PACRG: variants seen among roughly 807,000 people sequenced by gnomAD.
PACRG encodes the protein parkin coregulated gene protein.
Under a neutral mutation model 29.7 loss-of-function variants are expected in PACRG, and 29 were observed. The ratio of observed to expected loss-of-function variants is 0.98; its 90% CI spans 0.73 to 1.33. PACRG has a LOEUF of 1.33. PACRG is among the 40% of genes most tolerant of loss of function. PACRG has a pLI of 0.00. For missense variants in PACRG, 279 were observed against 316.2 expected, an observed-to-expected ratio of 0.88 and a Z score of 0.89; for synonymous variants, 116 against 118.7, an observed-to-expected ratio of 0.98 and a Z score of 0.15.
intron 2 of PACRG, among the ~76,000 whole-genome samples, chr6:162,854,967 G>C (rs1400330867): frequency 6.6e-6 from 1 of 152,244 alleles, no homozygotes; most frequent in Non-Finnish European, 1.5e-5. Context: ...TAGAGCAGCC[G>C]CTGCAGCAGC....
At chr6:163,300,136 C>T (rs192166022) in intron 4 of PACRG, among the ~76,000 whole-genome samples, 1 of 152,242 alleles carries the variant, frequency 6.6e-6, no homozygotes, top group Non-Finnish European at 1.5e-5. Flanking sequence ...AGGTCTCCAT[C>T]AACCTCTGGA....
intron 4 of PACRG, among the ~76,000 whole-genome samples, chr6:163,295,801 C>T (rs1435860369): frequency 1.3e-5 from 2 of 152,112 alleles, no homozygotes; most frequent in African/African-American, 2.4e-5. Flanking sequence ...GAGGAATATT[C>T]GAGAGTTTTT....
chr6:163,108,326 G>A (rs1462937362), intron 4 of PACRG, among the ~76,000 whole-genome samples: 1 of 151,010 alleles, frequency 6.6e-6, no homozygotes, highest in East Asian at 1.9e-4. Context: ...GTTTCCTGAG[G>A]CCTCCCCAGC....
chr6:162,987,077 G>A (rs961007446), intron 2 of PACRG, among the ~76,000 whole-genome samples: 2 of 151,940 alleles, frequency 1.3e-5, no homozygotes, highest in East Asian at 1.9e-4. Context: ...TGGCCTTTTG[G>A]TGGTGTTATA....
At chr6:163,138,386 C>T (rs1817021891) in intron 4 of PACRG, among the ~76,000 whole-genome samples, 1 of 152,178 alleles carries the variant, frequency 6.6e-6, no homozygotes, top group Non-Finnish European at 1.5e-5. Flanking sequence ...AACCCATCTT[C>T]TAGAATGGTA....
At chr6:163,063,959 A>T (rs1811311469) in intron 3 of PACRG, among the ~76,000 whole-genome samples, 2 of 152,150 alleles carry the variant, frequency 1.3e-5, no homozygotes, top group Admixed American at 6.5e-5. Flanking sequence ...TTCTACTTGA[A>T]CTGCTACATT....
intron 2 of PACRG, chr6:162,957,315 G>A: frequency 1.7e-6 from 1 of 590,956 alleles, no homozygotes; most frequent in Non-Finnish European, 3.1e-6. Context: ...GCTTGATCCT[G>A]TCCTGAACAC....
chr6:163,103,343 G>A (rs1426422689), intron 4 of PACRG, among the ~76,000 whole-genome samples: 1 of 152,076 alleles, frequency 6.6e-6, no homozygotes, highest in Non-Finnish European at 1.5e-5. Flanking sequence ...ACATTCCCTG[G>A]CCCATGACCA....
chr6:163,050,998 G>A (rs1809949074), intron 2 of PACRG, among the ~76,000 whole-genome samples: 1 of 152,078 alleles, frequency 6.6e-6, no homozygotes, highest in Admixed American at 6.5e-5. Flanking sequence ...GGAGCATCCC[G>A]GGTCTTGGGA....
chr6:163,159,848 C>A (rs1195270486), intron 4 of PACRG, among the ~76,000 whole-genome samples: 2 of 152,114 alleles, frequency 1.3e-5, no homozygotes, highest in Admixed American at 6.5e-5. Flanking sequence ...CTGGTAGACA[C>A]CTTCCCCTCC....
At chr6:163,248,715 A>G (rs1475748284) in intron 4 of PACRG, among the ~76,000 whole-genome samples, 2 of 152,200 alleles carry the variant, frequency 1.3e-5, no homozygotes, top group Admixed American at 6.5e-5. Flanking sequence ...GTAAGCAATG[A>G]CATGTGCTTC....
intron 2 of PACRG, among the ~76,000 whole-genome samples, chr6:163,060,272 A>T (rs1436781917): frequency 6.6e-6 from 1 of 152,174 alleles, no homozygotes; most frequent in Non-Finnish European, 1.5e-5. Context: ...TAAAAGAATT[A>T]GCAAAACATA....
chr6:162,842,677 G>T (rs1163211244), intron 2 of PACRG, among the ~76,000 whole-genome samples: 1 of 116,988 alleles, frequency 8.5e-6, no homozygotes, highest in Non-Finnish European at 1.7e-5. Context: ...AGTTGATGCA[G>T]TTTCTTCCTA....
intron 1 of PACRG, among the ~76,000 whole-genome samples, chr6:162,803,263 G>A (rs1786033543): frequency 6.6e-6 from 1 of 152,118 alleles, no homozygotes; most frequent in African/African-American, 2.4e-5. Context: ...ACAGGCTGAT[G>A]GAAAATCATG....
At chr6:162,965,981 C>T (rs1800988509) in intron 2 of PACRG, among the ~76,000 whole-genome samples, 2 of 152,112 alleles carry the variant, frequency 1.3e-5, no homozygotes, top group Non-Finnish European at 1.5e-5. Flanking sequence ...CGTGCAGCTC[C>T]GATACACCAA....
intron 4 of PACRG, among the ~76,000 whole-genome samples, chr6:163,176,444 C>T (rs1779360880): frequency 6.6e-6 from 1 of 152,200 alleles, no homozygotes; most frequent in Admixed American, 6.5e-5. Context: ...AAACTAGCCC[C>T]GTTATGCCCT....
intron 2 of PACRG, among the ~76,000 whole-genome samples, chr6:162,897,560 C>G (rs1440243725): frequency 1.3e-5 from 2 of 152,158 alleles, no homozygotes; most frequent in African/African-American, 4.8e-5. Context: ...GCTGTTCATA[C>G]CAAGATTTAC....
intron 4 of PACRG, among the ~76,000 whole-genome samples, chr6:163,137,544 G>A (rs947612081): frequency 4.6e-5 from 7 of 152,088 alleles, no homozygotes; most frequent in African/African-American, 1.7e-4. Flanking sequence ...CGAGCTCTCC[G>A]ATCCTTTCTC....
chr6:163,139,996 A>G (rs377488965), intron 4 of PACRG, among the ~76,000 whole-genome samples: 2 of 152,216 alleles, frequency 1.3e-5, no homozygotes, highest in East Asian at 3.9e-4. Context: ...TGCCAGGACG[A>G]GCCCCATTCT....
Sources: allele counts gnomAD v4.1 joint callset (sites outside exome capture counted in the v4.1 genomes callset), GRCh38; gene constraint gnomAD v4.1.1; transcripts MANE v1.5; gene names NCBI Gene and HGNC (gene_info 2026-07-23, HGNC 2026-07-21).